PPP1R3A: variants seen among roughly 807,000 people sequenced by gnomAD.
PPP1R3A encodes protein phosphatase 1 regulatory subunit 3A, also known as RG1.
PPP1R3A carries 29 observed loss-of-function variants against 41.7 expected under a neutral mutation model. The ratio of observed to expected loss-of-function variants is 0.70; its 90% confidence interval spans 0.52 to 0.95. PPP1R3A has a LOEUF of 0.95. PPP1R3A is among the 40% of genes least tolerant of loss of function. The pLI, the probability that PPP1R3A is intolerant of heterozygous loss-of-function variation, is 0.00. For synonymous variants in PPP1R3A, 485 were observed against 453.4 expected (o/e 1.07, Z -0.89); for missense variants, 1,352 against 1,292.4 (o/e 1.05, Z -0.71).
chr7:113,891,093 A>C lies in PPP1R3A; in HGVS notation c.783-8773T>G, dbSNP rs938743650. Among the ~76,000 whole-genome samples the C allele has an allele frequency of 1.5e-4, 22 of 148,512 alleles. 1 individual carries two copies. The South Asian group carries it at 2.9e-3, about 20-fold the overall frequency. On this transcript the variant is annotated intron_variant, in intron 1 of 3. Coordinates refer to ENST00000284601, the MANE Select transcript of PPP1R3A (RefSeq NM_002711.4). ...TGTGGTGGAAAAAAAGCAAAAAAAA[A>C]AAAAAAAAAAAAAAAAAAAAACCCT...
intron 1 of PPP1R3A, among the ~76,000 whole-genome samples, chr7:113,907,308 G>A (rs997623246): frequency 9.2e-5 from 14 of 151,666 alleles, no homozygotes; most frequent in Non-Finnish European, 1.8e-4. Context: ...AGCATATTAA[G>A]GGTACACTAC....
rs1796702604 is a variant in PPP1R3A at position 113,882,069 on chromosome 7, A to G, written c.936T>C (p.Asp312=). The G allele has an allele frequency of 6.2e-7, 1 of 1,612,676 alleles. No individual in the cohort carries two copies. Among genetic ancestry groups the G allele is most frequent in the Non-Finnish European group, 8.5e-7 (1 of 1,179,066 alleles). ...RNVKDVNREH[D]EHNEKELELM... ...ACTCTAATTCTTTTTCATTATGTTC[A>G]TCATGTTCCCTGTTTACATCTTTTA... Residue 312 remains aspartate (D), a synonymous_variant, in exon 3 of 4, where the codon GAT becomes GAC. Transcript: ENST00000284601.
chr7:113,892,408 A>G (rs1796907366), intron 1 of PPP1R3A, among the ~76,000 whole-genome samples: 1 of 152,094 alleles, frequency 6.6e-6, no homozygotes, highest in Non-Finnish European at 1.5e-5. Flanking sequence ...AGCTTCTCTA[A>G]AAATTGACTT....
intron 1 of PPP1R3A, among the ~76,000 whole-genome samples, chr7:113,898,379 T>G (rs998849389): frequency 6.6e-6 from 1 of 151,718 alleles, no homozygotes; most frequent in Admixed American, 6.6e-5. Flanking sequence ...AGCATTTTGT[T>G]TGAGTCCTGA....
intron 1 of PPP1R3A, among the ~76,000 whole-genome samples, chr7:113,896,898 A>G (rs1377011906): frequency 6.6e-6 from 1 of 151,902 alleles, no homozygotes; most frequent in Admixed American, 6.6e-5. Context: ...AAAGTTGTTC[A>G]GTCTTTGAAC....
chr7:113,878,723 C>T lies in PPP1R3A; in HGVS notation c.2369G>A (p.Arg790Gln), dbSNP rs771507764. 8.1e-6 allele frequency: 13 copies of T among 1,613,254 alleles called. No individual in the cohort carries two copies. The highest frequency in any genetic ancestry group is 1.1e-5 in the South Asian group (1 of 91,072). Residue 790 changes from arginine (R) to glutamine (Q), a missense_variant, in exon 4 of 4, where the codon CGA becomes CAA. Coordinates refer to ENST00000284601, the MANE Select transcript of PPP1R3A (RefSeq NM_002711.4). The part of the protein sequence containing the change: ...NDDSHYTLCQ[R>Q]DTVGVIYDND... ...GTCATAGATTACACCTACTGTATCTCGTTGACAAAGGGTATAATGTGAATC... is the reference window on the plus strand; with the variant it reads ...GTCATAGATTACACCTACTGTATCTTGTTGACAAAGGGTATAATGTGAATC...
rs771743186 is a variant in PPP1R3A at position 113,879,922 on chromosome 7, G to A, written c.1170C>T (p.Cys390=). The change falls in exon 4 of 4, where the codon TGC becomes TGT. Residue 390 remains cysteine (C), a synonymous_variant. Coordinates refer to ENST00000284601, the MANE Select transcript of PPP1R3A (RefSeq NM_002711.4). ...AESSVKGDFY[C]NEKYSSGDDC... is the part of the protein sequence containing the mutation. Reference sequence around the variant, plus strand: ...CATCTCCTGAGGAATATTTTTCATTGCAGTAAAAATCTCCCTTTACGGAGC... The same window carrying A: ...CATCTCCTGAGGAATATTTTTCATTACAGTAAAAATCTCCCTTTACGGAGC... 2.5e-6 allele frequency: 4 copies of A among 1,613,386 alleles called. No homozygotes were observed. The highest frequency in any genetic ancestry group is 3.3e-5 in the Admixed American group (2 of 59,928).
At chr7:113,913,524 T>C (rs1243589948) in intron 1 of PPP1R3A, among the ~76,000 whole-genome samples, 1 of 152,142 alleles carries the variant, frequency 6.6e-6, no homozygotes, top group Non-Finnish European at 1.5e-5. Flanking sequence ...TAAAGTCATT[T>C]AGGACTTTAT....
At chr7:113,907,543 G>C (rs567144953) in intron 1 of PPP1R3A, among the ~76,000 whole-genome samples, 1 of 151,442 alleles carries the variant, frequency 6.6e-6, no homozygotes, top group Non-Finnish European at 1.5e-5. Context: ...CAACATACTT[G>C]TTCCCATCAC....
intron 1 of PPP1R3A, among the ~76,000 whole-genome samples, chr7:113,917,237 C>T (rs538029334): frequency 8.6e-5 from 13 of 151,790 alleles, no homozygotes; most frequent in African/African-American, 2.9e-4. Flanking sequence ...TACCAAAATC[C>T]TTGGGTTTAG....
rs773223561 is a variant in PPP1R3A at position 113,881,997 on chromosome 7, T to TG, written c.966+41dup. 9 of 1,608,562 alleles carry TG rather than the reference T, an allele frequency of 5.6e-6. No homozygotes were observed. In the Admixed American group the frequency reaches 1.5e-4, roughly 27 times the overall value. Reference sequence around the variant, plus strand: ...CATTGCAGCATCTTTGAAGCAGAAATGGATTCATCTTCTCTAATACCGTGG... The same window carrying TG: ...CATTGCAGCATCTTTGAAGCAGAAATGGGATTCATCTTCTCTAATACCGTGG... On this transcript the variant is annotated intron_variant, in intron 3 of 3. Coordinates refer to ENST00000284601, the MANE Select transcript of PPP1R3A (RefSeq NM_002711.4).
chr7:113,904,311 T>C (rs1340219306), intron 1 of PPP1R3A, among the ~76,000 whole-genome samples: 1 of 151,682 alleles, frequency 6.6e-6, no homozygotes, highest in East Asian at 1.9e-4. Flanking sequence ...ATCAAATAAA[T>C]TTCCTTTGAC....
Position 113,879,431 on chromosome 7 carries a change from C to T in PPP1R3A, c.1661G>A (p.Gly554Glu), listed in dbSNP as rs777816791. Reference protein sequence around the residue: ...KMGNPKISVAGIGASNRDLAT... With the variant: ...KMGNPKISVAEIGASNRDLAT... Reference sequence around the variant, plus strand: ...CAGGTCTCTGTTACTAGCTCCAATCCCTGCCACACTTATTTTAGGGTTACC... The same window carrying T: ...CAGGTCTCTGTTACTAGCTCCAATCTCTGCCACACTTATTTTAGGGTTACC... Residue 554 changes from glycine to glutamate, a missense_variant, in exon 4 of 4, where the codon GGG (glycine) becomes GAG (glutamate). Physicochemically the swap from Gly to Glu is moderately conservative, Grantham distance 98 (BLOSUM62 -2). Transcript: ENST00000284601. 1.7e-5 allele frequency: 28 copies of T among 1,613,356 alleles called. No homozygotes were observed. The Middle Eastern group carries it at 2.8e-3, about 161-fold the overall frequency.
rs114403186 is a variant in PPP1R3A, at chr7:113,908,375, G to A, written c.782+9840C>T. ...GTGTATTTTTTCCACAGAAAAAAGCGGTGCATCAAGGATGAGTTGAGTGTA... is the reference window on the plus strand; with the variant it reads ...GTGTATTTTTTCCACAGAAAAAAGCAGTGCATCAAGGATGAGTTGAGTGTA... On this transcript the variant is annotated intron_variant, in intron 1 of 3. Coordinates refer to ENST00000284601, the MANE Select transcript of PPP1R3A (RefSeq NM_002711.4). Among the ~76,000 whole-genome samples, 344 of 151,922 alleles carry A rather than the reference G, an allele frequency of 2.3e-3. 2 individuals are homozygous for A. The highest frequency in any genetic ancestry group is 7.9e-3 in the African/African-American group (327 of 41,486).
At chr7:113,907,560 T>C (rs887022008) in intron 1 of PPP1R3A, among the ~76,000 whole-genome samples, 2 of 151,736 alleles carry the variant, frequency 1.3e-5, no homozygotes, top group Non-Finnish European at 2.9e-5. Flanking sequence ...TCACCCTGCC[T>C]ATATTATGGC....
At chr7:113,917,024 A>C (rs1226891629) in intron 1 of PPP1R3A, among the ~76,000 whole-genome samples, 1 of 152,056 alleles carries the variant, frequency 6.6e-6, no homozygotes, top group Non-Finnish European at 1.5e-5. Flanking sequence ...CATTTAGTTT[A>C]TTAATACATT....
intron 1 of PPP1R3A, among the ~76,000 whole-genome samples, chr7:113,887,206 T>G (rs1189465002): frequency 6.6e-6 from 1 of 152,116 alleles, no homozygotes; most frequent in Non-Finnish European, 1.5e-5. Flanking sequence ...TTTTCAATTA[T>G]GGAGTCAATA....
intron 1 of PPP1R3A, among the ~76,000 whole-genome samples, chr7:113,886,211 G>C (rs1442469457): frequency 6.6e-6 from 1 of 151,976 alleles, no homozygotes; most frequent in African/African-American, 2.4e-5. Flanking sequence ...GTTTGGCTGT[G>C]TCCCCACCCA....
At chr7:113,913,342 C>T (rs995287585) in intron 1 of PPP1R3A, among the ~76,000 whole-genome samples, 8 of 152,086 alleles carry the variant, frequency 5.3e-5, no homozygotes, top group African/African-American at 1.9e-4. Context: ...ACCCCATTTC[C>T]CAATGCTTTT....
Sources: allele counts gnomAD v4.1 joint callset (sites outside exome capture counted in the v4.1 genomes callset), GRCh38; gene constraint gnomAD v4.1.1; transcripts MANE v1.5; gene names NCBI Gene and HGNC (gene_info 2026-07-23, HGNC 2026-07-21).